Variants in B3GALT1 observed in about 807,000 individuals in gnomAD.
B3GALT1 encodes the protein UDP-Gal:betaGlcNAc beta 1,3-galactosyltransferase, polypeptide 1.
B3GALT1 carries 10 observed loss-of-function variants against 23.2 expected under a neutral mutation model. The observed-to-expected ratio is 0.43, with a 90% CI of 0.27 to 0.73. The LOEUF is 0.73. Ranked by LOEUF, B3GALT1 falls within the 30% of genes least tolerant of loss-of-function variation. The pLI is 0.21. For synonymous variants in B3GALT1, 156 were observed against 141.5 expected (o/e 1.10, Z -0.73); for missense variants, 299 against 405.4 (o/e 0.74, Z 2.25).
intron 3 of B3GALT1, among the ~76,000 whole-genome samples, chr2:167,648,171 T>C (rs576440890): frequency 1.3e-5 from 2 of 152,266 alleles, no homozygotes; most frequent in Non-Finnish European, 2.9e-5. Context: ...ATCTCCCTAT[T>C]ATGATATCTC....
At chr2:167,469,081 T>A (rs1156585428) in intron 1 of B3GALT1, among the ~76,000 whole-genome samples, 1 of 152,180 alleles carries the variant, frequency 6.6e-6, no homozygotes, top group Non-Finnish European at 1.5e-5. Flanking sequence ...TATTCCTGAA[T>A]AGTCTGAAAC....
At chr2:167,666,557 G>A (rs1014394099) in intron 3 of B3GALT1, among the ~76,000 whole-genome samples, 1 of 151,472 alleles carries the variant, frequency 6.6e-6, no homozygotes, top group Non-Finnish European at 1.5e-5. Context: ...GGGTGTTAAA[G>A]TCTCCCATTA....
At chr2:167,482,577 C>T (rs1699575100) in intron 1 of B3GALT1, among the ~76,000 whole-genome samples, 2 of 152,190 alleles carry the variant, frequency 1.3e-5, no homozygotes, top group African/African-American at 2.4e-5. Flanking sequence ...ATCTTCTCTT[C>T]GAACCCCAGT....
intron 3 of B3GALT1, among the ~76,000 whole-genome samples, chr2:167,647,503 C>T (rs1147156): frequency 0.98 from 149,956 of 152,326 alleles, 73,873 homozygotes; most frequent in Middle Eastern, 1. Flanking sequence ...TGCAATATGC[C>T]GACTAATTTT....
chr2:167,491,378 AG>A (rs1699706734), intron 2 of B3GALT1, among the ~76,000 whole-genome samples: 1 of 152,150 alleles, frequency 6.6e-6, no homozygotes, highest in Non-Finnish European at 1.5e-5. Flanking sequence ...TCACCATAAA[AG>A]GCTGCAGTTA....
chr2:167,559,354 GA>G (rs541891906), intron 2 of B3GALT1, among the ~76,000 whole-genome samples: 2 of 152,082 alleles, frequency 1.3e-5, no homozygotes, highest in African/African-American at 4.8e-5. Flanking sequence ...CAAAGATGGG[GA>G]AAAAACAGAG....
chr2:167,789,740 C>G (rs1360117517), intron 3 of B3GALT1, among the ~76,000 whole-genome samples: 1 of 152,084 alleles, frequency 6.6e-6, no homozygotes, highest in Non-Finnish European at 1.5e-5. Flanking sequence ...GTTTTCCATC[C>G]CTTTCCTCCT....
At chr2:167,569,960 A>G (rs1684260047) in intron 2 of B3GALT1, among the ~76,000 whole-genome samples, 1 of 151,896 alleles carries the variant, frequency 6.6e-6, no homozygotes, top group African/African-American at 2.4e-5. Flanking sequence ...CTCTGTATGT[A>G]ATAGATCGTG....
At chr2:167,714,792 T>A in intron 3 of B3GALT1, 1 of 1,613,460 alleles carries the variant, frequency 6.2e-7, no homozygotes, top group South Asian at 1.1e-5. Flanking sequence ...AGCTCTTCAG[T>A]GACATGGCTG....
At chr2:167,470,390 T>C (rs1013187290) in intron 1 of B3GALT1, among the ~76,000 whole-genome samples, 3 of 152,176 alleles carry the variant, frequency 2.0e-5, no homozygotes, top group Admixed American at 2.0e-4. Context: ...AATTAGGAAA[T>C]AGATTTTAGT....
intron 4 of B3GALT1, among the ~76,000 whole-genome samples, chr2:167,834,729 A>G (rs1689423002): frequency 1.3e-5 from 2 of 152,168 alleles, no homozygotes; most frequent in Admixed American, 1.3e-4. Flanking sequence ...CACACCCGTA[A>G]TCCCAGCTAC....
intron 1 of B3GALT1, among the ~76,000 whole-genome samples, chr2:167,486,887 T>C (rs1469889177): frequency 6.6e-6 from 1 of 152,164 alleles, no homozygotes; most frequent in Non-Finnish European, 1.5e-5. Context: ...CACAAGAATG[T>C]TGGGAAAATG....
intron 1 of B3GALT1, among the ~76,000 whole-genome samples, chr2:167,453,441 A>G (rs1022878222): frequency 1.3e-5 from 2 of 152,202 alleles, no homozygotes; most frequent in East Asian, 1.9e-4. Context: ...GTCAATTAGG[A>G]TAATGTATGA....
intron 2 of B3GALT1, among the ~76,000 whole-genome samples, chr2:167,518,410 C>A (rs1053106180): frequency 2.0e-5 from 3 of 151,696 alleles, no homozygotes; most frequent in African/African-American, 7.3e-5. Flanking sequence ...TGAAGTCTTA[C>A]AAGAAATAAA....
intron 3 of B3GALT1, among the ~76,000 whole-genome samples, chr2:167,694,634 A>G (rs1253479616): frequency 1.3e-5 from 2 of 152,168 alleles, no homozygotes; most frequent in African/African-American, 2.4e-5. Flanking sequence ...AGAAGGCACA[A>G]GCCACTAAGA....
chr2:167,767,083 G>A (rs540654750), intron 3 of B3GALT1, among the ~76,000 whole-genome samples: 1 of 152,112 alleles, frequency 6.6e-6, no homozygotes, highest in Non-Finnish European at 1.5e-5. Context: ...AATTTCCCTG[G>A]AAAGTTCTGC....
At chr2:167,510,955 A>G (rs1406229525) in intron 2 of B3GALT1, among the ~76,000 whole-genome samples, 1 of 152,214 alleles carries the variant, frequency 6.6e-6, no homozygotes, top group Non-Finnish European at 1.5e-5. Flanking sequence ...TAGATAAAAA[A>G]TGTAAATTAA....
At chr2:167,447,068 TTTCC>T (rs1699009796) in intron 1 of B3GALT1, among the ~76,000 whole-genome samples, 1 of 150,518 alleles carries the variant, frequency 6.6e-6, no homozygotes, top group Non-Finnish European at 1.5e-5. Flanking sequence ...GTTTGTTAGT[TTTCC>T]TTCTAACAGT....
chr2:167,654,649 A>T (rs6761459), intron 3 of B3GALT1, among the ~76,000 whole-genome samples: 12 of 151,658 alleles, frequency 7.9e-5, no homozygotes, highest in African/African-American at 2.9e-4. Flanking sequence ...GTGCACCACC[A>T]TTCCCAGCTA....
Sources: gnomAD v4.1 joint callset for allele counts (sites outside exome capture counted in the v4.1 genomes callset) on GRCh38, gnomAD v4.1.1 for gene constraint, MANE v1.5 for transcripts, NCBI Gene and HGNC (gene_info 2026-07-23, HGNC 2026-07-21) for gene names.